The following KLHL22 variants were observed in gnomAD, a reference collection of about 807,000 sequenced individuals.
KLHL22 encodes the protein kelch-like protein 22.
In KLHL22, 18 loss-of-function variants were observed where a neutral mutation model predicts 60.7. That is an observed-to-expected ratio of 0.30 (90% CI 0.20 to 0.44). The LOEUF (loss-of-function observed/expected upper bound fraction) is 0.44. KLHL22 is among the 20% of genes least tolerant of loss of function. The pLI, the probability that KLHL22 is intolerant of heterozygous loss-of-function variation, is 1.00. For missense variants in KLHL22, 596 were observed against 852.3 expected, an observed-to-expected ratio of 0.70 and a Z score of 3.74; for synonymous variants, 355 against 354.5, an observed-to-expected ratio of 1.00 and a Z score of -0.01.
chr22:20,455,501 A>C (rs1351564630), intron 5 of KLHL22, among the ~76,000 whole-genome samples: 1 of 152,164 alleles, frequency 6.6e-6, no homozygotes, highest in Non-Finnish European at 1.5e-5. Context: ...ATGAGCAGGG[A>C]AGTGGACTCC....
chr22:20,459,651 C>T (rs2053121489), intron 4 of KLHL22, among the ~76,000 whole-genome samples: 1 of 152,184 alleles, frequency 6.6e-6, no homozygotes, highest in African/African-American at 2.4e-5. Flanking sequence ...TAGCCTCTGG[C>T]TCAGGACAGA....
intron 1 of KLHL22, among the ~76,000 whole-genome samples, chr22:20,490,233 T>A (rs2053662043): frequency 6.6e-6 from 1 of 152,216 alleles, no homozygotes; most frequent in African/African-American, 2.4e-5. Context: ...TATTCTCCAA[T>A]TACCTCCAGT....
At position 20,451,680 on chromosome 22, in the gene KLHL22, ACT is replaced by A. The variant is rs1384964309; in HGVS notation, c.1306-5006_1306-5005del. The A allele has an allele frequency of 3.1e-6, 5 of 1,603,648 alleles. No homozygotes were observed. In the Admixed American group the frequency reaches 5.0e-5, roughly 16 times the overall value. On this transcript the variant is annotated intron_variant, in intron 5 of 6. Transcript: ENST00000328879. ...TAGGGGCCACAGTGCTTCGGGGGAG[ACT>A]CTATGCAATTGCAGGATATGAAGGT...
intron 2 of KLHL22, among the ~76,000 whole-genome samples, chr22:20,478,078 C>G (rs1471448422): frequency 6.6e-6 from 1 of 152,002 alleles, no homozygotes; most frequent in Non-Finnish European, 1.5e-5. Context: ...TAACTTTCAA[C>G]TTTTCTGTAG....
chr22:20,450,112 G>A (rs998496799), intron 5 of KLHL22: 25 of 776,728 alleles, frequency 3.2e-5, no homozygotes, highest in Middle Eastern at 2.4e-4. Context: ...TTCTTTCTCC[G>A]CACTGCTTTA....
chr22:20,485,183 C>G, intron 2 of KLHL22, among the ~76,000 whole-genome samples: 1 of 152,174 alleles, frequency 6.6e-6, no homozygotes, highest in Non-Finnish European at 1.5e-5. Flanking sequence ...GACGAGGTGA[C>G]CCATGGAGGT....
chr22:20,484,606 A>AT (rs2053557329), intron 2 of KLHL22, among the ~76,000 whole-genome samples: 1 of 151,276 alleles, frequency 6.6e-6, no homozygotes, highest in African/African-American at 2.4e-5. Context: ...TAATTTTTGT[A>AT]TTTTTTGTAA....
chr22:20,446,108 A>C (rs746508657), intron 6 of KLHL22, among the ~76,000 whole-genome samples: 7 of 152,216 alleles, frequency 4.6e-5, no homozygotes, highest in Non-Finnish European at 1.0e-4. Context: ...TATGTGTGTG[A>C]TACTGTCATG....
At position 20,474,423 on chromosome 22, in the gene KLHL22, C is replaced by G. The variant is rs560990552; in HGVS notation, c.228-2908G>C. ...TTTATTTTTTTAAGATGGAGTTTCG[C>G]TCTTGTCGCCCAGGCTGGAGAGCAA... On this transcript the variant is annotated intron_variant, in intron 2 of 6. Transcript: ENST00000328879. Among the ~76,000 whole-genome samples the G allele has an allele frequency of 5.3e-5, 8 of 151,826 alleles. No individual in the cohort carries two copies. In the East Asian group the frequency reaches 1.6e-3, roughly 30 times the overall value.
At chr22:20,483,318 T>C in intron 2 of KLHL22, 1 of 722,640 alleles carries the variant, frequency 1.4e-6, no homozygotes, top group Non-Finnish European at 2.6e-6. Flanking sequence ...GCTCCTGTCG[T>C]TTCTTCCGAG....
intron 5 of KLHL22, chr22:20,450,248 CTT>C: frequency 2.2e-6 from 2 of 891,180 alleles, no homozygotes; most frequent in East Asian, 2.4e-5. Context: ...AGCAGAAAGA[CTT>C]TCCTGCCCAT....
intron 3 of KLHL22, among the ~76,000 whole-genome samples, chr22:20,468,745 C>A (rs560144796): frequency 1.0e-3 from 154 of 152,228 alleles, no homozygotes; most frequent in Non-Finnish European, 1.9e-3. Context: ...CTGAAGCCTC[C>A]ACCTCCTGGG....
Position 20,467,752 on chromosome 22 carries a change from G to A in KLHL22, c.394-2176C>T, listed in dbSNP as rs773661057. 4.6e-5 allele frequency among the ~76,000 whole-genome samples: 7 copies of A among 152,210 alleles called. 2 individuals carry two copies. The highest frequency in any genetic ancestry group is 3.9e-4 in the Admixed American group (6 of 15,284). On this transcript the variant is annotated intron_variant, in intron 3 of 6. Coordinates refer to ENST00000328879, the MANE Select transcript of KLHL22 (RefSeq NM_032775.4). ...CGGCTCACTGCAAGCTCCGCCTCCCGGGTTCACGCCATTCTCCCACCTCAG... is the reference window on the plus strand; with the variant it reads ...CGGCTCACTGCAAGCTCCGCCTCCCAGGTTCACGCCATTCTCCCACCTCAG...
At chr22:20,464,650 G>T (rs1484342020) in intron 4 of KLHL22, among the ~76,000 whole-genome samples, 1 of 152,106 alleles carries the variant, frequency 6.6e-6, no homozygotes, top group Non-Finnish European at 1.5e-5. Context: ...GAGGAGTAGG[G>T]GACATGCAGG....
chr22:20,477,090 G>A (rs996884504), intron 2 of KLHL22, among the ~76,000 whole-genome samples: 17 of 151,682 alleles, frequency 1.1e-4, no homozygotes, highest in Non-Finnish European at 2.2e-4. Flanking sequence ...TTGAGGCCAG[G>A]ACTTTAAGAT....
chr22:20,442,013 G>A lies in KLHL22; in HGVS notation c.*60C>T, dbSNP rs370147662. 1.7e-5 allele frequency: 25 copies of A among 1,476,594 alleles called. No homozygotes were observed. The highest frequency in any genetic ancestry group is 9.7e-5 in the East Asian group (4 of 41,272). 91.5% of individuals were successfully genotyped at this position (1,476,594 alleles called of 1,614,324 possible). ...AGTAAAGTGCTCTGGCCTAGGCTGC[G>A]TGGGTTTCACTGCCCTGCAGCCCCA... is the stretch of plus-strand genomic sequence containing the variant. On this transcript the variant is annotated 3_prime_UTR_variant, in exon 7 of 7. Coordinates refer to ENST00000328879, the MANE Select transcript of KLHL22 (RefSeq NM_032775.4).
At chr22:20,467,144 G>A (rs181406150) in intron 3 of KLHL22, among the ~76,000 whole-genome samples, 6 of 152,300 alleles carry the variant, frequency 3.9e-5, no homozygotes, top group Admixed American at 2.0e-4. Flanking sequence ...TGAAAATGAC[G>A]AGTACCTTGA....
At chr22:20,448,665 AG>A (rs2052921160) in intron 5 of KLHL22, among the ~76,000 whole-genome samples, 1 of 151,662 alleles carries the variant, frequency 6.6e-6, no homozygotes. Flanking sequence ...CCCGGGTTCA[AG>A]CAATTCTTGT....
At chr22:20,445,674 T>C (rs956834825) in intron 6 of KLHL22, among the ~76,000 whole-genome samples, 4 of 152,182 alleles carry the variant, frequency 2.6e-5, no homozygotes, top group African/African-American at 9.6e-5. Flanking sequence ...CCTCCAACTC[T>C]GGGCTGAAAC....
Sources: gnomAD v4.1 joint callset for allele counts (sites outside exome capture counted in the v4.1 genomes callset) on GRCh38, gnomAD v4.1.1 for gene constraint, MANE v1.5 for transcripts, NCBI Gene and HGNC (gene_info 2026-07-23, HGNC 2026-07-21) for gene names.